Variants in SPIN1 observed in about 807,000 individuals in gnomAD.
SPIN1 encodes spindlin-1.
A neutral mutation model predicts 26.0 loss-of-function variants in SPIN1; 3 were observed. The ratio of observed to expected loss-of-function variants is 0.12; its 90% confidence interval spans 0.05 to 0.30. SPIN1 has a LOEUF of 0.30. Among genes scored for constraint, SPIN1 ranks in the 10% least tolerant of loss-of-function variants. The pLI, the probability that SPIN1 is intolerant of heterozygous loss-of-function variation, is 1.00. For missense variants in SPIN1, 126 were observed against 333.4 expected, an observed-to-expected ratio of 0.38 and a Z score of 4.84; for synonymous variants, 101 against 116.5, an observed-to-expected ratio of 0.87 and a Z score of 0.86.
intron 2 of SPIN1, among the ~76,000 whole-genome samples, chr9:88,440,778 C>A (rs1828105967): frequency 6.6e-6 from 1 of 151,672 alleles, no homozygotes; most frequent in Middle Eastern, 3.2e-3. Context: ...GGGGTTTCAC[C>A]ATGTTGGCCA....
chr9:88,467,514 A>T (rs912055115), intron 4 of SPIN1, among the ~76,000 whole-genome samples: 1 of 152,170 alleles, frequency 6.6e-6, no homozygotes, highest in Admixed American at 6.5e-5. Flanking sequence ...AGGTATGGGG[A>T]AGAGCTTATC....
At chr9:88,437,676 G>A (rs1002404855) in intron 2 of SPIN1, among the ~76,000 whole-genome samples, 1 of 152,064 alleles carries the variant, frequency 6.6e-6, no homozygotes, top group Admixed American at 6.6e-5. Context: ...CTTCCAAAGC[G>A]GCTCTACCGT....
intron 1 of SPIN1, among the ~76,000 whole-genome samples, chr9:88,422,607 C>T (rs1827690169): frequency 6.6e-6 from 1 of 152,102 alleles, no homozygotes; most frequent in East Asian, 1.9e-4. Flanking sequence ...AGGATAAGAT[C>T]AGGTGGTTGA....
intron 1 of SPIN1, among the ~76,000 whole-genome samples, chr9:88,417,410 C>A (rs1217399170): frequency 1.3e-5 from 2 of 152,164 alleles, no homozygotes; most frequent in Non-Finnish European, 1.5e-5. Flanking sequence ...AGCATCACAT[C>A]CCACAAGACT....
chr9:88,459,868 A>C (rs772989818), intron 3 of SPIN1, among the ~76,000 whole-genome samples: 44 of 152,254 alleles, frequency 2.9e-4, no homozygotes, highest in Non-Finnish European at 5.9e-4. Flanking sequence ...TTCTTGGCTG[A>C]TGAACAAATC....
intron 1 of SPIN1, among the ~76,000 whole-genome samples, chr9:88,398,980 G>C (rs1286960281): frequency 6.6e-6 from 1 of 151,912 alleles, no homozygotes; most frequent in African/African-American, 2.4e-5. Flanking sequence ...TATGTATTAA[G>C]GCATTTGTTA....
At chr9:88,437,212 TA>T (rs1183233511) in intron 2 of SPIN1, among the ~76,000 whole-genome samples, 3 of 152,202 alleles carry the variant, frequency 2.0e-5, no homozygotes, top group African/African-American at 7.2e-5. Context: ...ATAAAGCTGC[TA>T]TAGGCCGGGG....
intron 1 of SPIN1, among the ~76,000 whole-genome samples, chr9:88,423,076 C>A (rs571764371): frequency 6.6e-6 from 1 of 152,306 alleles, no homozygotes; most frequent in South Asian, 2.1e-4. Context: ...GTATCCTTCC[C>A]CCACTGCGAC....
intron 1 of SPIN1, among the ~76,000 whole-genome samples, chr9:88,393,882 C>T (rs1310538919): frequency 6.6e-6 from 1 of 151,786 alleles, no homozygotes; most frequent in Non-Finnish European, 1.5e-5. Context: ...CAGTCTTGCT[C>T]TGTCACCCAG....
intron 1 of SPIN1, among the ~76,000 whole-genome samples, chr9:88,407,344 CATAT>C (rs1272499403): frequency 3.3e-5 from 5 of 151,760 alleles, no homozygotes; most frequent in African/African-American, 1.2e-4. Flanking sequence ...AGGGTTTTGC[CATAT>C]TGCCCAGGCT....
intron 3 of SPIN1, among the ~76,000 whole-genome samples, chr9:88,460,158 G>T (rs925238440): frequency 6.6e-6 from 1 of 152,104 alleles, no homozygotes; most frequent in African/African-American, 2.4e-5. Context: ...ACTCTCTTCT[G>T]TGAACTTTGA....
intron 3 of SPIN1, among the ~76,000 whole-genome samples, chr9:88,460,137 C>T (rs1242926445): frequency 2.6e-5 from 4 of 152,192 alleles, no homozygotes; most frequent in Admixed American, 1.3e-4. Flanking sequence ...TCTTCAATTA[C>T]GATTTTTAGT....
In SPIN1 at chr9:88,451,741, A is replaced by C. The variant is rs766598425; in HGVS notation, c.101+2752A>C. 8.5e-5 allele frequency among the ~76,000 whole-genome samples: 13 copies of C among 152,228 alleles called. No homozygotes were observed. The East Asian group carries it at 2.5e-3, about 30-fold the overall frequency. ...ACGCCCAGCTAATTTTTGTATTTTT[A>C]GTATAGACAGGGTTTCACTGTGTTG... On this transcript the variant is annotated intron_variant, in intron 3 of 5. Coordinates refer to ENST00000375859, the MANE Select transcript of SPIN1 (RefSeq NM_006717.3).
At chr9:88,431,985 C>T (rs1827881943) in intron 2 of SPIN1, among the ~76,000 whole-genome samples, 1 of 152,112 alleles carries the variant, frequency 6.6e-6, no homozygotes, top group African/African-American at 2.4e-5. Context: ...CTGCTGTGAG[C>T]TGTGATTGTG....
intron 1 of SPIN1, among the ~76,000 whole-genome samples, chr9:88,410,008 T>G (rs1244484369): frequency 1.3e-5 from 2 of 152,132 alleles, no homozygotes; most frequent in Non-Finnish European, 2.9e-5. Flanking sequence ...TCTCCTAATC[T>G]TACCAAGCTG....
chr9:88,468,361 T>C lies in SPIN1; in HGVS notation c.356-11T>C. On this transcript the variant is annotated splice_polypyrimidine_tract_variant and intron_variant, in intron 4 of 5. Transcript: ENST00000375859. Reference sequence around the variant, plus strand: ...CTTTGTCAACTTTTTTTTTTTTTTTTTAATCCCCAGCGACATCTCGAATCA... The same window carrying C: ...CTTTGTCAACTTTTTTTTTTTTTTTCTAATCCCCAGCGACATCTCGAATCA... 1 of 1,475,846 alleles carries C rather than the reference T, an allele frequency of 6.8e-7. No homozygotes were observed. The highest frequency in any genetic ancestry group is 1.4e-5 in the South Asian group (1 of 73,098). 91.4% of individuals were successfully genotyped at this position (1,475,846 alleles called of 1,614,324 possible).
Position 88,475,378 on chromosome 9 carries a change from C to A in SPIN1, c.*101C>A. 8.4e-7 allele frequency: 1 copy of A among 1,197,398 alleles called. No homozygotes were observed. The highest frequency in any genetic ancestry group is 1.2e-6 in the Non-Finnish European group (1 of 847,302). 74.2% of individuals were successfully genotyped at this position (1,197,398 alleles called of 1,614,324 possible). On this transcript the variant is annotated 3_prime_UTR_variant, in exon 6 of 6. Coordinates refer to ENST00000375859, the MANE Select transcript of SPIN1 (RefSeq NM_006717.3). ...CCAGTTTAATGAAAGCTTAAATGTCCCTGCGAACCCACAATCTCTGCCAGC... is the reference window on the plus strand; with the variant it reads ...CCAGTTTAATGAAAGCTTAAATGTCACTGCGAACCCACAATCTCTGCCAGC...
chr9:88,447,663 C>T (rs1048900374), intron 2 of SPIN1, among the ~76,000 whole-genome samples: 2 of 152,180 alleles, frequency 1.3e-5, no homozygotes, highest in Non-Finnish European at 2.9e-5. Flanking sequence ...CTTAAGACAT[C>T]CTCCCCCAAA....
chr9:88,444,808 A>T (rs1444731781), intron 2 of SPIN1, among the ~76,000 whole-genome samples: 1 of 149,332 alleles, frequency 6.7e-6, no homozygotes, highest in African/African-American at 2.5e-5. Context: ...CTCCTGCCTC[A>T]GCCTCCCGAG....
Sources: gnomAD v4.1 joint callset for allele counts (sites outside exome capture counted in the v4.1 genomes callset) on GRCh38, gnomAD v4.1.1 for gene constraint, MANE v1.5 for transcripts, NCBI Gene and HGNC (gene_info 2026-07-23, HGNC 2026-07-21) for gene names.